The following RASGRF1 variants were observed in gnomAD, a reference collection of about 807,000 sequenced individuals.
RASGRF1 encodes the protein Ras protein specific guanine nucleotide releasing factor 1, also known as ras-specific guanine nucleotide-releasing factor 1.
A neutral mutation model predicts 138.7 loss-of-function variants in RASGRF1; 40 were observed. That is an observed-to-expected ratio of 0.29 (90% CI 0.22 to 0.38). RASGRF1 has a LOEUF of 0.38. Ranked by LOEUF, RASGRF1 falls within the 10% of genes least tolerant of loss-of-function variation. RASGRF1 has a pLI of 1.00. For missense variants in RASGRF1, 1,108 were observed against 1,650.4 expected, an observed-to-expected ratio of 0.67 and a Z score of 5.69; for synonymous variants, 614 against 663.2, an observed-to-expected ratio of 0.93 and a Z score of 1.14.
At chr15:79,017,945 G>A in intron 11 of RASGRF1, 39 bp from the exon 12 acceptor site, 3 of 1,607,788 alleles carry the variant, frequency 1.9e-6, no homozygotes, top group Non-Finnish European at 2.5e-6. Context: ...GCATGAATGT[G>A]GACGCCTTTT....
chr15:78,982,789 A>G (rs1287540041), intron 23 of RASGRF1, among the ~76,000 whole-genome samples: 1 of 152,148 alleles, frequency 6.6e-6, no homozygotes, highest in African/African-American at 2.4e-5. Flanking sequence ...TTTTGTCTCC[A>G]CTAAAGTACA....
rs776185467 is a variant in RASGRF1 at position 79,025,432 on chromosome 15, G to A, written c.1424C>T (p.Thr475Ile). 1 of 1,613,978 alleles carries A rather than the reference G, an allele frequency of 6.2e-7. No homozygotes were observed. Among genetic ancestry groups the A allele is most frequent in the East Asian group, 2.2e-5 (1 of 44,880 alleles). ...GGAGAGAGACCCCAGGCGCCCCCTG[G>A]TGATCTTGCCCTTTTCAGACATGGG... ...QVPMSEKGKITRGRLGSLSLK... is the reference protein window; with the variant it reads ...QVPMSEKGKIIRGRLGSLSLK... The change falls in exon 10 of 27, where the codon ACC becomes ATC. Residue 475 changes from threonine to isoleucine, a missense_variant. Around this residue, in one of 3 missense-constraint regions of RASGRF1, gnomAD observed 169 missense variants for 344.2 expected, o/e 0.49. Coordinates refer to ENST00000558480, the MANE Select transcript of RASGRF1 (RefSeq NM_001145648.3).
intron 12 of RASGRF1, among the ~76,000 whole-genome samples, 157 bp from the exon 13 acceptor site, chr15:79,015,566 G>A (rs192038005): frequency 4.6e-5 from 7 of 152,296 alleles, no homozygotes; most frequent in African/African-American, 7.2e-5. Flanking sequence ...TCAGCGTGGC[G>A]CATCCTTTAG....
Position 79,058,315 on chromosome 15 carries a change from C to T in RASGRF1, c.531+19G>A. The T allele has an allele frequency of 6.2e-7, 1 of 1,606,398 alleles. No homozygotes were observed. On this transcript the variant is annotated intron_variant, in intron 3 of 26. Coordinates refer to ENST00000558480, the MANE Select transcript of RASGRF1 (RefSeq NM_001145648.3). ...ATGTTGTGCCTAGGGCCTGGGCCCA[C>T]CCCCCAGCCCGCAGTCACCTCTGCC...
chr15:78,990,130 T>C (rs2056238711), intron 22 of RASGRF1, 59 bp downstream of exon 22: 1 of 1,346,586 alleles, frequency 7.4e-7, no homozygotes, highest in East Asian at 2.3e-5. Context: ...CTACCCAGCC[T>C]CTTGAGCGTC....
chr15:79,050,774 T>G lies in RASGRF1; in HGVS notation c.532-1186A>C, dbSNP rs1464044581. ...TAGACAGGCCAGTGGTGTATCCTCC[T>G]GCGCAGGGCTCGTCCAACCACTCCA... On this transcript the variant is annotated intron_variant, in intron 3 of 26. Coordinates refer to ENST00000558480, the MANE Select transcript of RASGRF1 (RefSeq NM_001145648.3). This position sits in a 1 kb window ranked among gnomAD's most constrained non-coding sequence, Gnocchi z 4.1. Among the ~76,000 whole-genome samples, 1 of 152,244 alleles carries G rather than the reference T, an allele frequency of 6.6e-6. No individual in the cohort carries two copies. The highest frequency in any genetic ancestry group is 1.5e-5 in the Non-Finnish European group (1 of 68,040).
intron 15 of RASGRF1, among the ~76,000 whole-genome samples, chr15:79,002,984 T>C (rs1162605975): frequency 6.6e-6 from 1 of 152,172 alleles, no homozygotes; most frequent in Non-Finnish European, 1.5e-5. Context: ...ACAATGCTTG[T>C]GGCACCCAAG....
intron 13 of RASGRF1, among the ~76,000 whole-genome samples, chr15:79,008,782 C>T (rs79878831): frequency 0.017 from 2,512 of 152,230 alleles, 134 homozygotes; most frequent in Admixed American, 0.093. Flanking sequence ...AAGTAGCAAA[C>T]GAGAGAAGCC....
chr15:79,046,998 A>G lies in RASGRF1; in HGVS notation c.626T>C (p.Val209Ala), dbSNP rs1452905682. Residue 209 changes from valine to alanine, a missense_variant and splice_region_variant, in exon 5 of 27, where the codon GTG becomes GCG. Transcript: ENST00000558480. This position sits in a 1 kb window ranked among gnomAD's most constrained non-coding sequence, Gnocchi z 5.3. ...CAGCCAGCCCCGCAGGAAGCTCTGC[A>G]CCTGAGCAGCAAGACCGGTGGGGAG... ...EDSDIKKIKK[V>A]QSFLRGWLCR... The G allele has an allele frequency of 1.2e-6, 2 of 1,609,422 alleles. No individual in the cohort carries two copies. Among genetic ancestry groups the G allele is most frequent in the Non-Finnish European group, 1.7e-6 (2 of 1,177,674 alleles).
intron 3 of RASGRF1, among the ~76,000 whole-genome samples, chr15:79,054,161 G>A (rs1482767512): frequency 6.6e-6 from 1 of 152,198 alleles, no homozygotes; most frequent in African/African-American, 2.4e-5. Context: ...AGCAGGCTCT[G>A]GCACATCACT....
intron 1 of RASGRF1, among the ~76,000 whole-genome samples, chr15:79,078,132 GGT>G (rs143462965): frequency 0.042 from 6,223 of 148,036 alleles, 425 homozygotes; most frequent in African/African-American, 0.14. Context: ...CAGAGAACCT[GGT>G]GTGTGTGTGT....
intron 4 of RASGRF1, among the ~76,000 whole-genome samples, chr15:79,048,356 G>A (rs998029122): frequency 6.6e-6 from 1 of 152,160 alleles, no homozygotes; most frequent in Non-Finnish European, 1.5e-5. Flanking sequence ...GCTTTTTAAG[G>A]AGATGTTGTG....
chr15:78,962,165 T>C lies in RASGRF1; in HGVS notation c.3753A>G (p.Ile1251Met). The C allele has an allele frequency of 4.4e-6, 7 of 1,584,010 alleles. No homozygotes were observed. The highest frequency in any genetic ancestry group is 6.0e-6 in the Non-Finnish European group (7 of 1,159,334). Residue 1251 changes from isoleucine to methionine, a missense_variant, in exon 27 of 27, where the codon ATA becomes ATG. Coordinates refer to ENST00000558480, the MANE Select transcript of RASGRF1 (RefSeq NM_001145648.3). ...EESLYESSLRIEPKLPT is the reference protein window; with the variant it reads ...EESLYESSLRMEPKLPT ...AGCTTCAGGTGGGGAGTTTTGGTTC[T>C]ATTCGGAGAGAAGACTCGTAGAGGC...
At chr15:79,026,940 A>G (rs1363324965) in intron 9 of RASGRF1, among the ~76,000 whole-genome samples, 1 of 151,936 alleles carries the variant, frequency 6.6e-6, no homozygotes, top group Admixed American at 6.6e-5. Context: ...CTGGGACAAA[A>G]CTCCGAAAAG....
At chr15:78,999,716 C>A in intron 17 of RASGRF1, 27 bp downstream of exon 17, 1 of 1,607,380 alleles carries the variant, frequency 6.2e-7, no homozygotes, top group Non-Finnish European at 8.5e-7. Context: ...TGGGGAGGAC[C>A]CTGTGAGTGG....
intron 26 of RASGRF1, among the ~76,000 whole-genome samples, chr15:78,965,091 C>T (rs1002838210): frequency 2.6e-5 from 4 of 152,106 alleles, no homozygotes; most frequent in Non-Finnish European, 4.4e-5. Context: ...CAGCCTTTTG[C>T]CTCAACTAAG....
Position 79,046,677 on chromosome 15 carries a change from TC to T in RASGRF1, c.878+68del. The T allele has an allele frequency of 6.3e-7, 1 of 1,590,022 alleles. No homozygotes were observed. Among genetic ancestry groups the T allele is most frequent in the Non-Finnish European group, 8.6e-7 (1 of 1,163,664 alleles). On this transcript the variant is annotated intron_variant, in intron 5 of 26. Coordinates refer to ENST00000558480, the MANE Select transcript of RASGRF1 (RefSeq NM_001145648.3). The surrounding 1 kb of genome is among the most constrained non-coding windows in gnomAD (Gnocchi z 5.3). ...GGTGGGAACCACGTGAGAGAGTGTG[TC>T]AAAGCTTAGCTGCGGCCAATGCTCA...
At chr15:79,070,316 C>A (rs1292643452) in intron 1 of RASGRF1, among the ~76,000 whole-genome samples, 1 of 152,196 alleles carries the variant, frequency 6.6e-6, no homozygotes, top group Non-Finnish European at 1.5e-5. Flanking sequence ...GGGCAGCTCC[C>A]CTGACGGGGA....
intron 11 of RASGRF1, 36 bp from the exon 12 acceptor site, chr15:79,017,942 T>C (rs1236619306): frequency 6.2e-7 from 1 of 1,608,596 alleles, no homozygotes; most frequent in African/African-American, 1.3e-5. Context: ...GCAGCATGAA[T>C]GTGGACGCCT....
Sources: allele counts gnomAD v4.1 joint callset (sites outside exome capture counted in the v4.1 genomes callset), GRCh38; gene constraint gnomAD v4.1.1; regional missense constraint gnomAD v4.1.1; non-coding constraint Gnocchi (gnomAD v3.1); transcripts MANE v1.5; gene names NCBI Gene and HGNC (gene_info 2026-07-23, HGNC 2026-07-21).